Variants in OR1J2 observed in about 807,000 individuals in gnomAD.
OR1J2 encodes olfactory receptor 1J2.
For missense variants in OR1J2, 304 were observed against 246.1 expected (o/e 1.24, Z -1.57); for synonymous variants, 142 against 99.7 (o/e 1.42, Z -2.52).
At chr9:122,571,136 C>G in the OR1J2 span, among the ~76,000 whole-genome samples, 85 of 152,170 alleles carry the variant, frequency 5.6e-4, no homozygotes, top group African/African-American at 1.9e-3. Context: ...ACTTTCTTGT[C>G]CCATGTTCAG....
At chr9:122,524,204 T>C in the OR1J2 span, among the ~76,000 whole-genome samples, 4 of 152,316 alleles carry the variant, frequency 2.6e-5, no homozygotes, top group South Asian at 8.3e-4. Flanking sequence ...ATTTAGTACA[T>C]TAACAAGCTG....
At chr9:122,540,142 G>A in the OR1J2 span, among the ~76,000 whole-genome samples, 17 of 151,664 alleles carry the variant, frequency 1.1e-4, no homozygotes, top group African/African-American at 2.7e-4. Context: ...TGTCAATTTT[G>A]GCTTTTGTTG....
At chr9:122,506,587 A>G (rs936283921), upstream of OR1J2, among the ~76,000 whole-genome samples, 3 of 152,216 alleles carry the variant, frequency 2.0e-5, no homozygotes, top group Non-Finnish European at 4.4e-5. Context: ...ACATTGGATC[A>G]TAAATGCAGG....
the OR1J2 span, among the ~76,000 whole-genome samples, chr9:122,560,962 C>G: frequency 4.6e-5 from 7 of 152,176 alleles, no homozygotes; most frequent in African/African-American, 1.2e-4. Context: ...TTCAGGTACT[C>G]CAATCAATCA....
At chr9:122,507,588 C>G (rs1440360025), upstream of OR1J2, among the ~76,000 whole-genome samples, 1 of 152,126 alleles carries the variant, frequency 6.6e-6, no homozygotes, top group East Asian at 1.9e-4. Context: ...TCTCACTTGT[C>G]TGAATGAGAA....
the OR1J2 span, among the ~76,000 whole-genome samples, chr9:122,535,197 G>T: frequency 6.6e-6 from 1 of 151,950 alleles, no homozygotes; most frequent in African/African-American, 2.4e-5. Flanking sequence ...AAAGGGTCGG[G>T]GTGCAGAAAT....
the OR1J2 span, among the ~76,000 whole-genome samples, chr9:122,534,108 G>C: frequency 6.6e-6 from 1 of 152,294 alleles, no homozygotes; most frequent in South Asian, 2.1e-4. Flanking sequence ...CAAGCTCCTG[G>C]GGGAGGCGGG....
At chr9:122,560,258 C>G in the OR1J2 span, among the ~76,000 whole-genome samples, 1 of 152,112 alleles carries the variant, frequency 6.6e-6, no homozygotes, top group East Asian at 1.9e-4. Context: ...ATATAGCACA[C>G]CAATAGGTCT....
At chr9:122,469,353 T>G in the OR1J2 span, among the ~76,000 whole-genome samples, 1 of 152,338 alleles carries the variant, frequency 6.6e-6, no homozygotes, top group African/African-American at 2.4e-5. Flanking sequence ...ATGAGATCTG[T>G]CGTTTTATCA....
At chr9:122,457,140 G>A in the OR1J2 span, among the ~76,000 whole-genome samples, 1 of 152,294 alleles carries the variant, frequency 6.6e-6, no homozygotes, top group African/African-American at 2.4e-5. Flanking sequence ...AATACCGCAT[G>A]TTCTTACTTA....
At chr9:122,533,321 G>T in the OR1J2 span, among the ~76,000 whole-genome samples, 3 of 152,226 alleles carry the variant, frequency 2.0e-5, no homozygotes, top group Non-Finnish European at 4.4e-5. Flanking sequence ...AAAAGGCCAT[G>T]CTGTAACAGG....
At chr9:122,553,669 T>G in the OR1J2 span, 1 of 1,614,128 alleles carries the variant, frequency 6.2e-7, no homozygotes, top group Non-Finnish European at 8.5e-7. Flanking sequence ...GTGTGCTGGG[T>G]GCTAACCAAC....
At chr9:122,509,772 TC>T (rs1231396107), upstream of OR1J2, among the ~76,000 whole-genome samples, 1 of 152,098 alleles carries the variant, frequency 6.6e-6, no homozygotes, top group Non-Finnish European at 1.5e-5. Context: ...ATCTTAAAGG[TC>T]AATGGGAATC....
the OR1J2 span, among the ~76,000 whole-genome samples, chr9:122,525,582 C>G: frequency 6.6e-6 from 1 of 152,100 alleles, no homozygotes; most frequent in African/African-American, 2.4e-5. Context: ...TAGATGTGGA[C>G]GCAAACCTGC....
At chr9:122,460,464 G>A in the OR1J2 span, among the ~76,000 whole-genome samples, 2 of 151,970 alleles carry the variant, frequency 1.3e-5, no homozygotes, top group East Asian at 1.9e-4. Context: ...TGTTTCCTTG[G>A]TCTATATGCC....
chr9:122,536,571 A>C, the OR1J2 span, among the ~76,000 whole-genome samples: 1 of 152,252 alleles, frequency 6.6e-6, no homozygotes, highest in Non-Finnish European at 1.5e-5. Flanking sequence ...CTTCCCGACT[A>C]TAGGCCCCTG....
chr9:122,542,406 CTG>C, the OR1J2 span, among the ~76,000 whole-genome samples: 7 of 152,172 alleles, frequency 4.6e-5, no homozygotes, highest in Non-Finnish European at 8.8e-5. Flanking sequence ...TGTAGACAAA[CTG>C]TTTTCCAAAA....
chr9:122,539,685 G>A, the OR1J2 span, among the ~76,000 whole-genome samples: 10 of 152,242 alleles, frequency 6.6e-5, no homozygotes, highest in Admixed American at 2.6e-4. Flanking sequence ...CTGAGGAATC[G>A]CCACACTGAC....
chr9:122,509,997 G>A (rs117120660), upstream of OR1J2, among the ~76,000 whole-genome samples: 50 of 152,230 alleles, frequency 3.3e-4, no homozygotes, highest in African/African-American at 7.2e-4. Flanking sequence ...GGCCTGTCGG[G>A]GGGTGCGGGA....
Sources: allele counts gnomAD v4.1 joint callset (sites outside exome capture counted in the v4.1 genomes callset), GRCh38; gene constraint gnomAD v4.1.1; transcripts MANE v1.5; gene names NCBI Gene and HGNC (gene_info 2026-07-23, HGNC 2026-07-21).